Variants in IL6R observed in about 807,000 individuals in gnomAD.
The protein encoded by IL6R is interleukin 6 receptor.
A neutral mutation model predicts 48.3 loss-of-function variants in IL6R; 38 were observed. That is an observed-to-expected ratio of 0.79 (90% CI 0.61 to 1.03). The LOEUF (loss-of-function observed/expected upper bound fraction) is 1.03, where lower values mean the gene tolerates loss of function less well. Among genes scored for constraint, IL6R ranks in the 50% least tolerant of loss-of-function variants. The pLI is 0.00. For missense variants in IL6R, 534 were observed against 618.3 expected (o/e 0.86, Z 1.45); for synonymous variants, 264 against 256.2 (o/e 1.03, Z -0.29).
intron 1 of IL6R, among the ~76,000 whole-genome samples, chr1:154,406,271 C>G (rs999268422): frequency 1.3e-5 from 2 of 152,228 alleles, no homozygotes; most frequent in African/African-American, 4.8e-5. Flanking sequence ...GATCTTCCCG[C>G]TGCACGGAGT....
chr1:154,430,487 C>G lies in IL6R; in HGVS notation c.339C>G (p.Pro113=). The change falls in exon 3 of 10, where the codon CCC becomes CCG. Residue 113 remains proline (P), a synonymous_variant. Coordinates refer to ENST00000368485, the MANE Select transcript of IL6R (RefSeq NM_000565.4). ...AGTVHLLVDV[P]PEEPQLSCFR... ...CCTGCAATGCTTTCCTTTCAGTTCCCCCCGAGGAGCCCCAGCTCTCCTGCT... is the reference window on the plus strand; with the variant it reads ...CCTGCAATGCTTTCCTTTCAGTTCCGCCCGAGGAGCCCCAGCTCTCCTGCT... 4.3e-6 allele frequency: 7 copies of G among 1,613,492 alleles called. No homozygotes were observed. The highest frequency in any genetic ancestry group is 5.9e-6 in the Non-Finnish European group (7 of 1,179,898).
intron 6 of IL6R, among the ~76,000 whole-genome samples, chr1:154,436,443 A>C (rs1161151211): frequency 6.6e-6 from 1 of 152,184 alleles, no homozygotes; most frequent in Non-Finnish European, 1.5e-5. Context: ...GCGCCACTGC[A>C]CTCCAGCCTG....
intron 8 of IL6R, among the ~76,000 whole-genome samples, chr1:154,451,194 A>G (rs897768148): frequency 6.6e-6 from 1 of 152,174 alleles, no homozygotes; most frequent in Non-Finnish European, 1.5e-5. Context: ...TTTGAATGGT[A>G]TGGGTGGGAT....
At chr1:154,422,741 G>A (rs896602083) in intron 1 of IL6R, among the ~76,000 whole-genome samples, 14 of 152,318 alleles carry the variant, frequency 9.2e-5, no homozygotes, top group African/African-American at 3.4e-4. Flanking sequence ...CTTCGCCCCC[G>A]CGTGCCCCGT....
chr1:154,436,019 G>A lies in IL6R; in HGVS notation c.858G>A (p.Leu286=), dbSNP rs902138006. The A allele has an allele frequency of 5.6e-6, 9 of 1,612,768 alleles. No homozygotes were observed. Among genetic ancestry groups the A allele is most frequent in the Non-Finnish European group, 7.6e-6 (9 of 1,179,296 alleles). Residue 286 remains leucine (L), a synonymous_variant, in exon 6 of 10, where the codon CTG becomes CTA. Transcript: ENST00000368485. ...TCATCCACGACGCCTGGAGCGGCCT[G>A]AGGCACGTGGTGCAGCTTCGTGCCC... ...HCVIHDAWSG[L]RHVVQLRAQE...
At chr1:154,427,030 T>C (rs899516483) in intron 1 of IL6R, among the ~76,000 whole-genome samples, 2 of 152,024 alleles carry the variant, frequency 1.3e-5, no homozygotes, top group Non-Finnish European at 2.9e-5. Context: ...GCAATTCTCC[T>C]GCCTCAGCCT....
In IL6R at chr1:154,436,023, C is replaced by A. The variant is rs774373798; in HGVS notation, c.862C>A (p.His288Asn). The change falls in exon 6 of 10, where the codon CAC (histidine) becomes AAC (asparagine). Residue 288 changes from histidine to asparagine, a missense_variant. By Grantham distance (68) the His-to-Asn change is moderately conservative (BLOSUM62 1). Transcript: ENST00000368485. ...CCACGACGCCTGGAGCGGCCTGAGGCACGTGGTGCAGCTTCGTGCCCAGGA... is the reference window on the plus strand; with the variant it reads ...CCACGACGCCTGGAGCGGCCTGAGGAACGTGGTGCAGCTTCGTGCCCAGGA... ...VIHDAWSGLR[H>N]VVQLRAQEEF... 6.2e-7 allele frequency: 1 copy of A among 1,612,948 alleles called. No individual in the cohort carries two copies. Among genetic ancestry groups the A allele is most frequent in the South Asian group, 1.1e-5 (1 of 90,806 alleles).
chr1:154,459,213 C>A (rs1691103142), intron 9 of IL6R, among the ~76,000 whole-genome samples: 1 of 152,180 alleles, frequency 6.6e-6, no homozygotes, highest in South Asian at 2.1e-4. Context: ...GGGAACAGAC[C>A]TGGTTTGCTA....
At chr1:154,462,160 C>G (rs987920883) in intron 9 of IL6R, among the ~76,000 whole-genome samples, 1 of 152,124 alleles carries the variant, frequency 6.6e-6, no homozygotes, top group Non-Finnish European at 1.5e-5. Flanking sequence ...CAATTTTTGT[C>G]AACCCTGTGG....
At chr1:154,437,961 G>A (rs752184214) in intron 6 of IL6R, among the ~76,000 whole-genome samples, 4 of 151,428 alleles carry the variant, frequency 2.6e-5, no homozygotes, top group African/African-American at 7.3e-5. Context: ...TGATCCACCC[G>A]CCTCGCCCTC....
chr1:154,465,274 C>G lies in IL6R; in HGVS notation c.1301C>G (p.Pro434Arg). The G allele has an allele frequency of 6.2e-7, 1 of 1,614,194 alleles. No homozygotes were observed. The highest frequency in any genetic ancestry group is 8.5e-7 in the Non-Finnish European group (1 of 1,180,038). ...CCTCTCATCTCCCCACCGGTGTCCC[C>G]CAGCAGCCTGGGGTCTGACAATACC... ...LVPLISPPVS[P>R]SSLGSDNTSS... Residue 434 changes from proline (P) to arginine (R), a missense_variant, in exon 10 of 10, where the codon CCC becomes CGC. By Grantham distance (103) the Pro-to-Arg change is moderately radical. Coordinates refer to ENST00000368485, the MANE Select transcript of IL6R (RefSeq NM_000565.4).
At position 154,414,982 on chromosome 1, in the gene IL6R, G is replaced by A. The variant is rs577147726; in HGVS notation, c.85+9268G>A. 4 of 1,476,924 alleles carry A rather than the reference G, an allele frequency of 2.7e-6. No homozygotes were observed. In the South Asian group the frequency reaches 3.6e-5, roughly 13 times the overall value. The allele number at this position is 1,476,924 out of a possible 1,614,324, so 91.5% of individuals were successfully genotyped here. A position where few individuals can be genotyped will look rare whatever the true frequency, so the allele number is the denominator to read the frequency against. ...CTGGCCCCGATCTTCAGTATGTCAC[G>A]GGCCAGAATGAGCTGCTGTTTGGTC... On this transcript the variant is annotated intron_variant, in intron 1 of 9. Coordinates refer to ENST00000368485, the MANE Select transcript of IL6R (RefSeq NM_000565.4).
At chr1:154,454,409 G>C in intron 8 of IL6R, 79 bp from the exon 9 acceptor site, 1 of 908,138 alleles carries the variant, frequency 1.1e-6, no homozygotes, top group Non-Finnish European at 1.8e-6. Context: ...CACCAGCTAA[G>C]TGGTTTTCTT....
intron 6 of IL6R, among the ~76,000 whole-genome samples, chr1:154,442,843 G>C (rs973887344): frequency 6.1e-4 from 93 of 151,512 alleles, no homozygotes; most frequent in African/African-American, 2.1e-3. Flanking sequence ...CCGGAGTGCA[G>C]TGGCATAATC....
At chr1:154,413,660 A>G (rs1039202300) in intron 1 of IL6R, among the ~76,000 whole-genome samples, 1 of 152,098 alleles carries the variant, frequency 6.6e-6, no homozygotes, top group Non-Finnish European at 1.5e-5. Flanking sequence ...TGACATTTGC[A>G]TAATCTACTA....
chr1:154,436,429 A>C (rs1408599301), intron 6 of IL6R, among the ~76,000 whole-genome samples: 1 of 152,158 alleles, frequency 6.6e-6, no homozygotes, highest in East Asian at 1.9e-4. Flanking sequence ...AGTGAGCCGA[A>C]ATCGCGCCAC....
chr1:154,464,860 G>A (rs1269882381), intron 9 of IL6R, among the ~76,000 whole-genome samples: 1 of 152,160 alleles, frequency 6.6e-6, no homozygotes, highest in Non-Finnish European at 1.5e-5. Context: ...TCAGGAGGCT[G>A]AGGTGGAAGA....
chr1:154,445,242 A>G (rs903112195), intron 6 of IL6R: 1 of 375,590 alleles, frequency 2.7e-6, no homozygotes, highest in Non-Finnish European at 5.4e-6. Context: ...AGCACGCAGG[A>G]GCTGCCTGGC....
chr1:154,429,098 A>G, intron 1 of IL6R, 98 bp from the exon 2 acceptor site: 2 of 1,356,596 alleles, frequency 1.5e-6, no homozygotes, highest in African/African-American at 1.4e-5. Flanking sequence ...GGGCCACTTC[A>G]TCATTATCAC....
Sources: allele counts gnomAD v4.1 joint callset (sites outside exome capture counted in the v4.1 genomes callset), GRCh38; gene constraint gnomAD v4.1.1; transcripts MANE v1.5; gene names NCBI Gene and HGNC (gene_info 2026-07-23, HGNC 2026-07-21).